GRIN2A: variants seen among roughly 807,000 people sequenced by gnomAD.
The protein encoded by GRIN2A is glutamate ionotropic receptor NMDA type subunit 2A.
Under a neutral mutation model 113.4 loss-of-function variants are expected in GRIN2A, and 22 were observed. The observed-to-expected ratio is 0.19, with a 90% CI of 0.14 to 0.28. The LOEUF (loss-of-function observed/expected upper bound fraction) is 0.28. GRIN2A is among the 10% of genes least tolerant of loss of function. GRIN2A has a pLI of 1.00. For missense variants in GRIN2A, 1,502 were observed against 1,887.0 expected (o/e 0.80, Z 3.78); for synonymous variants, 827 against 738.4 (o/e 1.12, Z -1.94).
chr16:10,039,806 G>GAGAGAGAGAGAGAGAGA (rs1555469296), intron 2 of GRIN2A, among the ~76,000 whole-genome samples: 4 of 54,578 alleles, frequency 7.3e-5, no homozygotes, highest in African/African-American at 4.2e-4. Flanking sequence ...GGGGGAGGGG[G>GAGAGAGAGAGAGAGAGA]GGGAGAAAGA....
intron 11 of GRIN2A, among the ~76,000 whole-genome samples, chr16:9,772,925 A>AC (rs907071379): frequency 1.3e-5 from 2 of 150,392 alleles, no homozygotes; most frequent in African/African-American, 2.4e-5. Context: ...TCAATTTCAA[A>AC]AAAAAAAAAA....
At chr16:10,054,197 G>C (rs1436851459) in intron 2 of GRIN2A, among the ~76,000 whole-genome samples, 2 of 152,082 alleles carry the variant, frequency 1.3e-5, no homozygotes, top group Non-Finnish European at 2.9e-5. Context: ...AAAACTATAA[G>C]CTGATCTTCA....
rs1555483644 is a variant in GRIN2A, at chr16:9,768,887, G to A, written c.2559C>T (p.Cys853=). 3 of 1,614,140 alleles carry A rather than the reference G, an allele frequency of 1.9e-6. No homozygotes were observed. Among genetic ancestry groups the A allele is most frequent in the Non-Finnish European group, 2.5e-6 (3 of 1,179,962 alleles). Residue 853 remains cysteine (C), a synonymous_variant, in exon 12 of 13, where the codon TGC becomes TGT. Transcript: ENST00000330684. ...AGAAGAGCAACCCAGGCCGGTCGGA[G>A]CACACGCCCGTGAAACAGAAGCGCA... ...WKLRFCFTGV[C]SDRPGLLFSI... is the part of the protein sequence containing the mutation.
chr16:9,764,691 C>G lies in GRIN2A; in HGVS notation c.2853G>C (p.Gly951=), dbSNP rs2141136517. The change falls in exon 13 of 13, where the codon GGG becomes GGC. Residue 951 remains glycine, a synonymous_variant. Transcript: ENST00000330684. The part of the protein sequence containing the change: ...LMYSDNRSFQ[G]KESIFGDNMN... ...TGTTGTCTCCAAAAATGCTCTCTTT[C>G]CCCTGAAAGGACCTGTTGTCTGAGT... The G allele has an allele frequency of 6.2e-7, 1 of 1,614,222 alleles. No homozygotes were observed. Among genetic ancestry groups the G allele is most frequent in the Non-Finnish European group, 8.5e-7 (1 of 1,180,032 alleles).
chr16:9,883,750 C>T (rs747368631), intron 4 of GRIN2A, among the ~76,000 whole-genome samples: 63 of 152,150 alleles, frequency 4.1e-4, no homozygotes, highest in Admixed American at 2.6e-4. Flanking sequence ...GTCTGGAGGC[C>T]GTGAGACAGA....
intron 3 of GRIN2A, among the ~76,000 whole-genome samples, chr16:9,900,024 C>A (rs148130154): frequency 1.5e-4 from 23 of 152,266 alleles, no homozygotes; most frequent in Middle Eastern, 3.4e-3. Context: ...ATAGGGATCA[C>A]ACTAAATGAC....
At chr16:9,774,035 T>C (rs942715055) in intron 11 of GRIN2A, among the ~76,000 whole-genome samples, 5 of 104,872 alleles carry the variant, frequency 4.8e-5, no homozygotes, top group African/African-American at 7.2e-5. Flanking sequence ...GCAAGGATAA[T>C]TGAGGCAGTG....
At chr16:10,093,859 C>T (rs9928984) in intron 2 of GRIN2A, among the ~76,000 whole-genome samples, 17,160 of 152,060 alleles carry the variant, frequency 0.11, 1,961 homozygotes, top group African/African-American at 0.29. Context: ...TGTCTAAGAC[C>T]GTAGGGAAGA....
At chr16:10,154,922 AT>A (rs771940163) in intron 2 of GRIN2A, among the ~76,000 whole-genome samples, 2 of 152,234 alleles carry the variant, frequency 1.3e-5, no homozygotes, top group African/African-American at 4.8e-5. Flanking sequence ...CAAGTGTTGT[AT>A]AAAAAACAGA....
At chr16:9,840,042 C>A (rs1464240201) in intron 7 of GRIN2A, among the ~76,000 whole-genome samples, 2 of 152,138 alleles carry the variant, frequency 1.3e-5, no homozygotes, top group African/African-American at 4.8e-5. Flanking sequence ...TGCTTGAACC[C>A]AGGAGGCAGA....
chr16:9,892,153 C>A (rs1007694129), intron 3 of GRIN2A, among the ~76,000 whole-genome samples: 1 of 152,090 alleles, frequency 6.6e-6, no homozygotes, highest in African/African-American at 2.4e-5. Flanking sequence ...ATTGCTTGAA[C>A]CCGGGAAGCA....
intron 2 of GRIN2A, among the ~76,000 whole-genome samples, chr16:9,981,920 G>A (rs2045899416): frequency 1.3e-5 from 2 of 152,102 alleles, no homozygotes; most frequent in African/African-American, 2.4e-5. Context: ...CTCAGTAGCT[G>A]GGATTACAGA....
intron 9 of GRIN2A, among the ~76,000 whole-genome samples, chr16:9,828,544 A>G (rs540933960): frequency 6.6e-6 from 1 of 152,340 alleles, no homozygotes; most frequent in East Asian, 1.9e-4. Flanking sequence ...TTATCCCCAC[A>G]CACAGAACAG....
At chr16:9,954,737 A>T (rs1454689676) in intron 2 of GRIN2A, among the ~76,000 whole-genome samples, 3 of 152,180 alleles carry the variant, frequency 2.0e-5, no homozygotes, top group African/African-American at 7.2e-5. Context: ...TGGGATTTTA[A>T]TGAGCCTTCT....
intron 2 of GRIN2A, among the ~76,000 whole-genome samples, chr16:10,173,587 G>C (rs1380520097): frequency 1.3e-5 from 2 of 152,174 alleles, no homozygotes; most frequent in African/African-American, 4.8e-5. Flanking sequence ...GCTGGCATCG[G>C]AGCCAATGAC....
At chr16:10,081,464 T>C (rs992900596) in intron 2 of GRIN2A, among the ~76,000 whole-genome samples, 1 of 152,164 alleles carries the variant, frequency 6.6e-6, no homozygotes, top group African/African-American at 2.4e-5. Context: ...AAGTGTCTAG[T>C]GGCTGGAAAT....
intron 2 of GRIN2A, among the ~76,000 whole-genome samples, chr16:9,980,266 C>CAA (rs560335229): frequency 5.3e-5 from 7 of 131,566 alleles, no homozygotes; most frequent in African/African-American, 1.4e-4. Context: ...GAGACTGTCT[C>CAA]AAAAAAAAAA....
Position 9,754,927 on chromosome 16 carries a change from C to T in GRIN2A, c.*8222G>A, listed in dbSNP as rs1010024001. On this transcript the variant is annotated 3_prime_UTR_variant, in exon 13 of 13. Transcript: ENST00000330684. ...GCATTTAAAATGCCAAAGACAAACTCATGTTTGCTGGAGAACAATTAACCT... is the reference window on the plus strand; with the variant it reads ...GCATTTAAAATGCCAAAGACAAACTTATGTTTGCTGGAGAACAATTAACCT... 4.5e-6 allele frequency: 1 copy of T among 219,874 alleles called. No homozygotes were observed. The highest frequency in any genetic ancestry group is 9.1e-6 in the Non-Finnish European group (1 of 109,752). The allele number at this position is 219,874 out of a possible 1,614,324, so 13.6% of individuals were successfully genotyped here.
At chr16:10,149,048 G>A (rs2049507047) in intron 2 of GRIN2A, among the ~76,000 whole-genome samples, 1 of 152,222 alleles carries the variant, frequency 6.6e-6, no homozygotes, top group African/African-American at 2.4e-5. Flanking sequence ...AGAGAGAGTA[G>A]TGCAATGGTT....
Sources: gnomAD v4.1 joint callset for allele counts (sites outside exome capture counted in the v4.1 genomes callset) on GRCh38, gnomAD v4.1.1 for gene constraint, MANE v1.5 for transcripts, NCBI Gene and HGNC (gene_info 2026-07-23, HGNC 2026-07-21) for gene names.